The following ADCY10 variants were observed in gnomAD, a reference collection of about 807,000 sequenced individuals.
ADCY10 encodes the protein adenylate cyclase 10.
ADCY10 carries 156 observed loss-of-function variants against 183.3 expected under a neutral mutation model. That is an observed-to-expected ratio of 0.85 (90% CI 0.75 to 0.97). The LOEUF is 0.97. Among genes scored for constraint, ADCY10 ranks in the 50% least tolerant of loss-of-function variants. The pLI is 0.00. For missense variants in ADCY10, 1,745 were observed against 1,934.3 expected (o/e 0.90, Z 1.84); for synonymous variants, 645 against 670.0 (o/e 0.96, Z 0.58).
intron 9 of ADCY10, among the ~76,000 whole-genome samples, chr1:167,880,828 A>G (rs1172319254): frequency 2.0e-5 from 3 of 152,198 alleles, no homozygotes; most frequent in Non-Finnish European, 2.9e-5. Flanking sequence ...TTTGCTCCAG[A>G]TATAGTGAAT....
chr1:167,856,087 AC>A, intron 17 of ADCY10, 77 bp downstream of exon 17: 1 of 1,515,436 alleles, frequency 6.6e-7, no homozygotes, highest in South Asian at 1.1e-5. Context: ...CAAGACACAT[AC>A]TAAGAAATCT....
intron 1 of ADCY10, among the ~76,000 whole-genome samples, chr1:167,912,839 A>G (rs1670238836): frequency 6.6e-6 from 1 of 152,212 alleles, no homozygotes; most frequent in South Asian, 2.1e-4. Flanking sequence ...TCATCCAAAC[A>G]GCGCTATGAA....
In ADCY10 at chr1:167,899,560, C is replaced by T. The variant is rs201504260; in HGVS notation, c.505G>A (p.Gly169Ser). The change falls in exon 6 of 33, where the codon GGT becomes AGT. Residue 169 changes from glycine (G) to serine (S), a missense_variant. By Grantham distance (56) the Gly-to-Ser change is moderately conservative. Transcript: ENST00000367851. ...DETHSHFLVI[G>S]QAVDDVRLAQ... ...AGGCGCACATCGTCCACTGCCTGAC[C>T]AATCACCAGAAAGTGGCTGTGTGTT... is the stretch of plus-strand genomic sequence containing the variant. 8.7e-6 allele frequency: 14 copies of T among 1,614,190 alleles called. No homozygotes were observed. Among genetic ancestry groups the T allele is most frequent in the Non-Finnish European group, 1.1e-5 (13 of 1,180,030 alleles).
Position 167,879,923 on chromosome 1 carries a change from C to T in ADCY10, c.1216+192G>A, listed in dbSNP as rs115513955. 7.2e-3 allele frequency among the ~76,000 whole-genome samples: 1,092 copies of T among 152,292 alleles called. 9 individuals are homozygous for T. Among genetic ancestry groups the T allele is most frequent in the African/African-American group, 0.025 (1,029 of 41,542 alleles). ...CCTCTCATGACTACATATTTCTCTA[C>T]TCATACATAGCCCCAGAAATGCACA... On this transcript the variant is annotated intron_variant, in intron 11 of 32. Transcript: ENST00000367851.
intron 30 of ADCY10, chr1:167,819,955 G>T: frequency 8.2e-7 from 1 of 1,220,950 alleles, no homozygotes; most frequent in Non-Finnish European, 1.2e-6. Context: ...CTTCATCTGT[G>T]CTGTATTCTT....
chr1:167,837,729 G>T (rs910679120), intron 21 of ADCY10, among the ~76,000 whole-genome samples: 4 of 152,162 alleles, frequency 2.6e-5, no homozygotes, highest in African/African-American at 4.8e-5. Flanking sequence ...CCACAGAAAT[G>T]CTGGGGTTTG....
chr1:167,899,253 TCC>T (rs890588805), intron 6 of ADCY10, among the ~76,000 whole-genome samples, 168 bp downstream of exon 6: 3 of 152,160 alleles, frequency 2.0e-5, no homozygotes, highest in African/African-American at 7.2e-5. Context: ...CCTGGGCTCC[TCC>T]CAGAGGAGCT....
Position 167,856,211 on chromosome 1 carries a change from T to C in ADCY10, c.2125A>G (p.Ile709Val), listed in dbSNP as rs112466731. 0.013 allele frequency: 20,871 copies of C among 1,613,860 alleles called. 165 individuals are homozygous for C. The highest frequency in any genetic ancestry group is 0.015 in the Non-Finnish European group (17,750 of 1,179,830). ...CAGCTCACATTGAGGTCAAGACAGATCTTGTTGGAGATGTCGTTAGGCTGT... is the reference window on the plus strand; with the variant it reads ...CAGCTCACATTGAGGTCAAGACAGACCTTGTTGGAGATGTCGTTAGGCTGT... ...AVQPNDISNKICLDLNVSCIS... is the reference protein window; with the variant it reads ...AVQPNDISNKVCLDLNVSCIS... Residue 709 changes from isoleucine (I) to valine (V), a missense_variant, in exon 17 of 33, where the codon ATC becomes GTC. Physicochemically the swap from Ile to Val is conservative, Grantham distance 29. Transcript: ENST00000367851.
Position 167,896,587 on chromosome 1 carries a change from G to T in ADCY10, c.739+8C>A. The T allele has an allele frequency of 6.2e-7, 1 of 1,600,262 alleles. No homozygotes were observed. ...AGGCAAAGGCATTTTTCCATGGTGG[G>T]TACTTACTTTTGTGCTCACCAGAAG... On this transcript the variant is annotated splice_region_variant and intron_variant, in intron 7 of 32. Transcript: ENST00000367851.
intron 8 of ADCY10, among the ~76,000 whole-genome samples, chr1:167,889,977 C>T (rs1668484615): frequency 6.6e-6 from 1 of 152,124 alleles, no homozygotes; most frequent in Non-Finnish European, 1.5e-5. Flanking sequence ...TCTGTGTTAT[C>T]TTGAATTTCT....
chr1:167,851,551 A>G (rs1366202076), intron 18 of ADCY10, among the ~76,000 whole-genome samples: 1 of 152,132 alleles, frequency 6.6e-6, no homozygotes, highest in Non-Finnish European at 1.5e-5. Context: ...GGTCGGGCAC[A>G]GTGGCTCACG....
intron 14 of ADCY10, among the ~76,000 whole-genome samples, chr1:167,862,051 A>G (rs1251127064): frequency 6.6e-6 from 1 of 152,144 alleles, no homozygotes; most frequent in Non-Finnish European, 1.5e-5. Flanking sequence ...TTTCTTTATA[A>G]ATTACCCAGT....
chr1:167,860,910 T>C lies in ADCY10; in HGVS notation c.1770A>G (p.Glu590=), dbSNP rs1458381131. Residue 590 remains glutamate, a synonymous_variant, in exon 15 of 33, where the codon GAA becomes GAG. Transcript: ENST00000367851. ...LRNKVMTLLD[E]KFYCLLNDIF... is the part of the protein sequence containing the mutation. Reference sequence around the variant, plus strand: ...TGTCATTAAGAAGACAGTAGAACTTTTCATCCAACAGTGTCATGACTTTAT... The same window carrying C: ...TGTCATTAAGAAGACAGTAGAACTTCTCATCCAACAGTGTCATGACTTTAT... 1 of 1,614,146 alleles carries C rather than the reference T, an allele frequency of 6.2e-7. No individual in the cohort carries two copies. Among genetic ancestry groups the C allele is most frequent in the South Asian group, 1.1e-5 (1 of 91,080 alleles).
chr1:167,885,008 T>C (rs981916219), intron 8 of ADCY10, among the ~76,000 whole-genome samples: 2 of 152,196 alleles, frequency 1.3e-5, no homozygotes, highest in African/African-American at 4.8e-5. Flanking sequence ...ATAGTTTTAA[T>C]TTTTAGCTCC....
At chr1:167,864,624 A>G (rs1314416894) in intron 14 of ADCY10, among the ~76,000 whole-genome samples, 3 of 152,190 alleles carry the variant, frequency 2.0e-5, no homozygotes, top group Non-Finnish European at 4.4e-5. Flanking sequence ...AAAGTCAAAG[A>G]GAGAAAGAAA....
At position 167,878,604 on chromosome 1, in the gene ADCY10, C is replaced by G. The variant is rs1398400045; in HGVS notation, c.1248G>C (p.Arg416Ser). 1 of 1,614,118 alleles carries G rather than the reference C, an allele frequency of 6.2e-7. No homozygotes were observed. Among genetic ancestry groups the G allele is most frequent in the East Asian group, 2.2e-5 (1 of 44,886 alleles). Residue 416 changes from arginine (R) to serine (S), a missense_variant, in exon 12 of 33, where the codon AGG becomes AGC. Transcript: ENST00000367851. ...VIGQKVNLAA[R>S]MMMYYPGIVT... is the part of the protein sequence containing the mutation. Reference sequence around the variant, plus strand: ...CAATTCCTGGGTAGTACATCATCATCCTGGCAGCTAAGTTGACTTTTTGAC... The same window carrying G: ...CAATTCCTGGGTAGTACATCATCATGCTGGCAGCTAAGTTGACTTTTTGAC...
intron 8 of ADCY10, among the ~76,000 whole-genome samples, chr1:167,889,882 C>T (rs964419235): frequency 6.6e-6 from 1 of 152,094 alleles, no homozygotes; most frequent in African/African-American, 2.4e-5. Flanking sequence ...GTTGTAATGT[C>T]TCCTCTTTCA....
intron 5 of ADCY10, among the ~76,000 whole-genome samples, chr1:167,900,265 G>T (rs955349121): frequency 7.9e-5 from 12 of 151,688 alleles, no homozygotes; most frequent in African/African-American, 2.9e-4. Flanking sequence ...TTTTATCTTC[G>T]CTCTCTGCTA....
At chr1:167,815,163 C>G (rs1251673681) in intron 31 of ADCY10, among the ~76,000 whole-genome samples, 1 of 151,982 alleles carries the variant, frequency 6.6e-6, no homozygotes, top group Non-Finnish European at 1.5e-5. Context: ...AAAAAAAACC[C>G]CAAACACCTT....
Sources: gnomAD v4.1 joint callset for allele counts (sites outside exome capture counted in the v4.1 genomes callset) on GRCh38, gnomAD v4.1.1 for gene constraint, MANE v1.5 for transcripts, NCBI Gene and HGNC (gene_info 2026-07-23, HGNC 2026-07-21) for gene names.